The following VAV3 variants were observed in gnomAD, a reference collection of about 807,000 sequenced individuals.
VAV3 encodes the protein vav guanine nucleotide exchange factor 3, also known as guanine nucleotide exchange factor VAV3.
VAV3 carries 94 observed loss-of-function variants against 131.2 expected under a neutral mutation model. That is an observed-to-expected ratio of 0.72 (90% CI 0.61 to 0.85). The LOEUF is 0.85. VAV3 is among the 40% of genes least tolerant of loss of function. The pLI is 0.00. For synonymous variants in VAV3, 349 were observed against 342.0 expected, an observed-to-expected ratio of 1.02 and a Z score of -0.22; for missense variants, 939 against 1,002.7, an observed-to-expected ratio of 0.94 and a Z score of 0.86.
intron 19 of VAV3, chr1:107,672,268 C>CAAAAAAAAAAAAAAAAAAAAAA: frequency 1.3e-5 from 1 of 77,740 alleles, no homozygotes; most frequent in Non-Finnish European, 2.5e-5. Context: ...GACTCTGTCT[C>CAAAAAAAAAAAAAAAAAAAAAA]AAAAAAAAAA....
At chr1:107,923,789 C>A (rs1482554814) in intron 1 of VAV3, among the ~76,000 whole-genome samples, 2 of 152,124 alleles carry the variant, frequency 1.3e-5, no homozygotes, top group African/African-American at 2.4e-5. Context: ...CTGAGGATTA[C>A]AATTCAAGAT....
intron 15 of VAV3, among the ~76,000 whole-genome samples, chr1:107,746,998 G>C (rs1663390136): frequency 6.6e-6 from 1 of 151,756 alleles, no homozygotes; most frequent in Non-Finnish European, 1.5e-5. Flanking sequence ...TCCTGCTTCA[G>C]TCTTGCGAGT....
chr1:107,608,324 T>C (rs1416231101), intron 22 of VAV3, among the ~76,000 whole-genome samples: 2 of 152,180 alleles, frequency 1.3e-5, no homozygotes, highest in Non-Finnish European at 2.9e-5. Flanking sequence ...CTCAAATCAT[T>C]ACCTTTGTAA....
intron 25 of VAV3, among the ~76,000 whole-genome samples, chr1:107,583,757 G>T (rs1383288321): frequency 1.3e-5 from 2 of 152,032 alleles, no homozygotes; most frequent in African/African-American, 4.8e-5. Context: ...AATAAAAGAG[G>T]ATACAAACAA....
chr1:107,676,477 T>C (rs1156861983), intron 19 of VAV3, among the ~76,000 whole-genome samples: 1 of 152,132 alleles, frequency 6.6e-6, no homozygotes, highest in African/African-American at 2.4e-5. Context: ...AAGAAGCCAA[T>C]AGAGGAGAAA....
chr1:107,842,985 C>T (rs1163004813), intron 2 of VAV3, among the ~76,000 whole-genome samples: 1 of 152,070 alleles, frequency 6.6e-6, no homozygotes, highest in Non-Finnish European at 1.5e-5. Context: ...AGCAGACCTA[C>T]TGAGAAAAAA....
chr1:107,900,457 G>A (rs1171711410), intron 1 of VAV3, among the ~76,000 whole-genome samples: 3 of 152,156 alleles, frequency 2.0e-5, no homozygotes, highest in African/African-American at 7.2e-5. Context: ...AACATGAGAA[G>A]TTTCTCTTCC....
chr1:107,787,434 G>A (rs1237494519), intron 2 of VAV3, among the ~76,000 whole-genome samples: 3 of 152,208 alleles, frequency 2.0e-5, no homozygotes, highest in Non-Finnish European at 4.4e-5. Flanking sequence ...TGAAGCCCAG[G>A]GGAGACAGCA....
intron 1 of VAV3, among the ~76,000 whole-genome samples, chr1:107,903,470 G>A (rs1215789069): frequency 6.6e-6 from 1 of 152,122 alleles, no homozygotes; most frequent in Non-Finnish European, 1.5e-5. Context: ...AGAGAGACCT[G>A]CATTTGACCT....
Position 107,722,840 on chromosome 1 carries a change from C to CTTTTTTTTT in VAV3, c.1503-17788_1503-17780dup, listed in dbSNP as rs374127110. On this transcript the variant is annotated intron_variant, in intron 15 of 26. Coordinates refer to ENST00000370056, the MANE Select transcript of VAV3 (RefSeq NM_006113.5). ...GTGTCAGAAAGCCCTATTATCCTCT[C>CTTTTTTTTT]TTTTTTTTTTTTTTTGTACGCTTAC... Among the ~76,000 whole-genome samples the CTTTTTTTTT allele has an allele frequency of 2.4e-3, 308 of 129,756 alleles. 6 individuals are homozygous for CTTTTTTTTT. Among genetic ancestry groups the CTTTTTTTTT allele is most frequent in the East Asian group, 6.1e-3 (27 of 4,426 alleles). 85.1% of individuals were successfully genotyped at this position (129,756 alleles called of 152,430 possible).
chr1:107,623,368 C>G (rs1653748480), intron 20 of VAV3, among the ~76,000 whole-genome samples: 2 of 152,160 alleles, frequency 1.3e-5, no homozygotes, highest in Non-Finnish European at 2.9e-5. Flanking sequence ...TATTGTCAAT[C>G]ACTTACTTCA....
intron 12 of VAV3, 59 bp from the exon 13 acceptor site, chr1:107,751,261 T>C (rs1663705817): frequency 3.0e-6 from 4 of 1,343,400 alleles, no homozygotes; most frequent in African/African-American, 1.5e-5. Context: ...TAAAAACAAA[T>C]ATTAGTAGAG....
intron 20 of VAV3, among the ~76,000 whole-genome samples, chr1:107,621,054 G>A (rs1489713434): frequency 6.6e-6 from 1 of 150,966 alleles, no homozygotes; most frequent in Non-Finnish European, 1.5e-5. Flanking sequence ...ACTGTTCTGG[G>A]TAAACAAGTA....
intron 2 of VAV3, among the ~76,000 whole-genome samples, chr1:107,836,095 C>T (rs963215495): frequency 6.6e-6 from 1 of 152,202 alleles, no homozygotes; most frequent in Admixed American, 6.5e-5. Context: ...GATGTCAACA[C>T]TCCACTGACA....
intron 17 of VAV3, among the ~76,000 whole-genome samples, chr1:107,694,193 A>T (rs1659609573): frequency 6.6e-6 from 1 of 152,206 alleles, no homozygotes. Context: ...ATTAGAGAAC[A>T]ATTTAATTCA....
intron 2 of VAV3, among the ~76,000 whole-genome samples, chr1:107,799,691 C>G (rs541337308): frequency 8.5e-5 from 13 of 152,196 alleles, no homozygotes; most frequent in Non-Finnish European, 1.8e-4. Flanking sequence ...TTTCTTTATG[C>G]TGGGAATGTT....
intron 19 of VAV3, among the ~76,000 whole-genome samples, chr1:107,664,074 CTTT>C (rs1229873815): frequency 6.6e-6 from 1 of 152,072 alleles, no homozygotes; most frequent in Non-Finnish European, 1.5e-5. Flanking sequence ...AAACCATTTT[CTTT>C]TTTTCTTCTC....
chr1:107,786,063 C>G (rs1462838008), intron 2 of VAV3, among the ~76,000 whole-genome samples: 1 of 152,158 alleles, frequency 6.6e-6, no homozygotes, highest in Non-Finnish European at 1.5e-5. Context: ...TGAAAAATGT[C>G]CTTAGCACCT....
At chr1:107,815,028 A>C (rs1667505927) in intron 2 of VAV3, among the ~76,000 whole-genome samples, 1 of 152,230 alleles carries the variant, frequency 6.6e-6, no homozygotes, top group East Asian at 1.9e-4. Context: ...AAGGGAATGG[A>C]AAATTCCATA....
Sources: allele counts gnomAD v4.1 joint callset (sites outside exome capture counted in the v4.1 genomes callset), GRCh38; gene constraint gnomAD v4.1.1; transcripts MANE v1.5; gene names NCBI Gene and HGNC (gene_info 2026-07-23, HGNC 2026-07-21).